Variants in SYNM observed in about 807,000 individuals in gnomAD.
SYNM encodes the protein desmuslin.
SYNM carries 95 observed loss-of-function variants against 104.0 expected under a neutral mutation model. That is an observed-to-expected ratio of 0.91 (90% CI 0.77 to 1.08). SYNM has a LOEUF of 1.08. Among genes scored for constraint, SYNM ranks in the 50% least tolerant of loss-of-function variants. The pLI, the probability that SYNM is intolerant of heterozygous loss-of-function variation, is 0.00. For missense variants in SYNM, 2,150 were observed against 2,052.2 expected, an observed-to-expected ratio of 1.05 and a Z score of -0.92; for synonymous variants, 918 against 869.0, an observed-to-expected ratio of 1.06 and a Z score of -0.99.
chr15:99,138,615 T>A (rs12915572), downstream of SYNM, among the ~76,000 whole-genome samples: 1 of 152,106 alleles, frequency 6.6e-6, no homozygotes, highest in African/African-American at 2.4e-5. Context: ...GCCTGGCCCC[T>A]CCCATCTTTT....
downstream of SYNM, chr15:99,139,066 AG>A (rs1596165710): frequency 1.9e-6 from 1 of 537,036 alleles, no homozygotes; most frequent in Non-Finnish European, 3.4e-6. Flanking sequence ...CTTAGCCTGC[AG>A]GGGCTGGTCT....
intron 1 of SYNM, among the ~76,000 whole-genome samples, chr15:99,110,434 C>T (rs1198863578): frequency 6.6e-6 from 1 of 152,218 alleles, no homozygotes; most frequent in Non-Finnish European, 1.5e-5. Context: ...TTCTTACACA[C>T]CCACCTGGAA....
intron 1 of SYNM, among the ~76,000 whole-genome samples, chr15:99,111,313 G>A (rs1329211534): frequency 6.6e-6 from 1 of 152,148 alleles, no homozygotes; most frequent in Non-Finnish European, 1.5e-5. Flanking sequence ...TAATAGTTAT[G>A]TCAAATTTCC....
intron 2 of SYNM, among the ~76,000 whole-genome samples, chr15:99,119,076 C>A (rs995876641): frequency 6.6e-5 from 10 of 152,154 alleles, no homozygotes; most frequent in African/African-American, 2.4e-4. Flanking sequence ...AGGGTCTTGC[C>A]TGGAGTGTGC....
Position 99,131,964 on chromosome 15 carries a change from T to A in SYNM, c.3604T>A (p.Ser1202Thr). The change falls in exon 4 of 4, where the codon TCG becomes ACG. Residue 1202 changes from serine (S) to threonine (T), a missense_variant. Ser to Thr is a moderately conservative substitution (Grantham distance 58, BLOSUM62 1). Coordinates refer to ENST00000336292, the MANE Select transcript of SYNM (RefSeq NM_145728.3). This position sits in a 1 kb window ranked among gnomAD's most constrained non-coding sequence, Gnocchi z 4.3. Reference sequence around the variant, plus strand: ...CCCTGCCTGTCCAGAGGCATGGGGCTCGCCAGAACCTGGCCCAGCAGAGTC... The same window carrying A: ...CCCTGCCTGTCCAGAGGCATGGGGCACGCCAGAACCTGGCCCAGCAGAGTC... ...PAPACPEAWG[S>T]PEPGPAESSA... The A allele has an allele frequency of 6.2e-7, 1 of 1,613,924 alleles. No homozygotes were observed. Among genetic ancestry groups the A allele is most frequent in the Non-Finnish European group, 8.5e-7 (1 of 1,179,888 alleles).
chr15:99,141,368 A>G, the SYNM span, among the ~76,000 whole-genome samples: 824 of 152,294 alleles, frequency 5.4e-3, 6 homozygotes, highest in Middle Eastern at 0.027. Context: ...AAAACATGCA[A>G]AACAAAACCA....
chr15:99,126,166 C>T lies in SYNM; in HGVS notation c.936-556C>T, dbSNP rs888002413. Among the ~76,000 whole-genome samples, 13 of 152,146 alleles carry T rather than the reference C, an allele frequency of 8.5e-5. No individual in the cohort carries two copies. In the East Asian group the frequency reaches 2.5e-3, roughly 29 times the overall value. ...CTGCCTGCCTTCTACTTCTTTTTGT[C>T]GTCTCCAAGGTGACCCCCTGGAATG... On this transcript the variant is annotated intron_variant, in intron 2 of 3. Coordinates refer to ENST00000336292, the MANE Select transcript of SYNM (RefSeq NM_145728.3).
downstream of SYNM, among the ~76,000 whole-genome samples, chr15:99,138,877 C>T (rs1421877243): frequency 6.6e-6 from 1 of 152,248 alleles, no homozygotes; most frequent in African/African-American, 2.4e-5. Context: ...GGTAGGCCCT[C>T]CACGGCAGAG....
At chr15:99,120,984 C>T (rs561437021) in intron 2 of SYNM, among the ~76,000 whole-genome samples, 47 of 152,066 alleles carry the variant, frequency 3.1e-4, no homozygotes, top group African/African-American at 4.8e-5. Context: ...GGGTCACTGC[C>T]GGATGGAGCA....
chr15:99,105,482 C>T lies in SYNM; in HGVS notation c.283C>T (p.Leu95=). 9 of 1,358,816 alleles carry T rather than the reference C, an allele frequency of 6.6e-6. No homozygotes were observed. The highest frequency in any genetic ancestry group is 8.5e-6 in the Non-Finnish European group (9 of 1,059,626). The allele number at this position is 1,358,816 out of a possible 1,614,324, so 84.2% of individuals were successfully genotyped here. The change falls in exon 1 of 4, where the codon CTG becomes TTG. Residue 95 remains leucine (L), a synonymous_variant. Transcript: ENST00000336292. Reference sequence around the variant, plus strand: ...CGCTCTGCGGCGCGAGCTGCGGGAGCTGCAGCGCCTGGATGCGGAGGAGCG... The same window carrying T: ...CGCTCTGCGGCGCGAGCTGCGGGAGTTGCAGCGCCTGGATGCGGAGGAGCG... ...RDALRRELRE[L]QRLDAEERAA...
Position 99,130,181 on chromosome 15 carries a change from C to T in SYNM, c.1821C>T (p.Thr607=), listed in dbSNP as rs782502643. ...QTPVKDAGGG[T]GREAEARELR... Reference sequence around the variant, plus strand: ...CTGTGAAGGATGCTGGTGGTGGGACCGGTAGAGAGGCAGAAGCAAGAGAGC... The same window carrying T: ...CTGTGAAGGATGCTGGTGGTGGGACTGGTAGAGAGGCAGAAGCAAGAGAGC... Residue 607 remains threonine (T), a synonymous_variant, in exon 4 of 4, where the codon ACC becomes ACT. Coordinates refer to ENST00000336292, the MANE Select transcript of SYNM (RefSeq NM_145728.3). 9.3e-6 allele frequency: 15 copies of T among 1,613,674 alleles called. No homozygotes were observed. The highest frequency in any genetic ancestry group is 8.3e-5 in the Admixed American group (5 of 59,990).
In SYNM at chr15:99,130,154, G is replaced by A. The variant is rs182566540; in HGVS notation, c.1794G>A (p.Thr598=). 1.6e-4 allele frequency: 260 copies of A among 1,613,918 alleles called. No homozygotes were observed. The African/African-American group carries it at 2.9e-3, about 18-fold the overall frequency. Residue 598 remains threonine, a synonymous_variant, in exon 4 of 4, where the codon ACG becomes ACA. Transcript: ENST00000336292. Reference sequence around the variant, plus strand: ...AGGTGTCCCCGAAAGGTTTGCAGACGCCTGTGAAGGATGCTGGTGGTGGGA... The same window carrying A: ...AGGTGTCCCCGAAAGGTTTGCAGACACCTGTGAAGGATGCTGGTGGTGGGA... ...RAEVSPKGLQ[T]PVKDAGGGTG...
intron 1 of SYNM, among the ~76,000 whole-genome samples, chr15:99,110,341 C>A (rs539300783): frequency 6.6e-6 from 1 of 152,140 alleles, no homozygotes; most frequent in Non-Finnish European, 1.5e-5. Context: ...ACCTCTTATA[C>A]GCTTTACTGC....
intron 1 of SYNM, among the ~76,000 whole-genome samples, chr15:99,112,713 T>G (rs1479919129): frequency 2.6e-5 from 4 of 152,160 alleles, no homozygotes; most frequent in African/African-American, 9.7e-5. Flanking sequence ...TTTTATTTAT[T>G]TTTATTTTAT....
At chr15:99,107,810 C>T (rs2067261249) in intron 1 of SYNM, among the ~76,000 whole-genome samples, 2 of 152,146 alleles carry the variant, frequency 1.3e-5, no homozygotes, top group African/African-American at 4.8e-5. Flanking sequence ...CATACCTGCC[C>T]TCAGAGTGAG....
At chr15:99,127,610 T>A (rs2067459459) in intron 3 of SYNM, among the ~76,000 whole-genome samples, 1 of 152,206 alleles carries the variant, frequency 6.6e-6, no homozygotes, top group Non-Finnish European at 1.5e-5. Context: ...TGGGTTCTAG[T>A]CATCTATAAC....
At position 99,113,649 on chromosome 15, in the gene SYNM, G is replaced by A; in HGVS notation, c.869G>A (p.Trp290Ter). The change falls in exon 2 of 4, where the codon TGG (tryptophan) becomes TAG (stop). Residue 290 changes from tryptophan to a stop codon, truncating the protein, a stop_gained. Transcript: ENST00000336292. LOFTEE classifies it high-confidence loss of function. Reference sequence around the variant, plus strand: ...ACCCTCACCTTGGCCATGGCTGACTGGCTGCGGGACTATCAGGACCTCCTG... The same window carrying A: ...ACCCTCACCTTGGCCATGGCTGACTAGCTGCGGGACTATCAGGACCTCCTG... ...KATLTLAMAD[W>*]LRDYQDLLQV... 1 of 1,613,604 alleles carries A rather than the reference G, an allele frequency of 6.2e-7. No homozygotes were observed. The highest frequency in any genetic ancestry group is 8.5e-7 in the Non-Finnish European group (1 of 1,179,706).
intron 3 of SYNM, 46 bp downstream of exon 3, chr15:99,126,838 G>A (rs1555485097): frequency 1.3e-6 from 2 of 1,512,056 alleles, no homozygotes; most frequent in Admixed American, 2.1e-5. Flanking sequence ...CATCTGAACT[G>A]TTTATTCTGT....
At chr15:99,120,955 A>G (rs1021079033) in intron 2 of SYNM, among the ~76,000 whole-genome samples, 8 of 152,112 alleles carry the variant, frequency 5.3e-5, no homozygotes, top group Non-Finnish European at 1.2e-4. Context: ...ACTGCCCCCT[A>G]ACAGGGAAAG....
Sources: allele counts gnomAD v4.1 joint callset (sites outside exome capture counted in the v4.1 genomes callset), GRCh38; gene constraint gnomAD v4.1.1; non-coding constraint Gnocchi (gnomAD v3.1); transcripts MANE v1.5; gene names NCBI Gene and HGNC (gene_info 2026-07-23, HGNC 2026-07-21).